The following TMEM9B variants were observed in gnomAD, a reference collection of about 807,000 sequenced individuals.
TMEM9B encodes TMEM9 domain family member B, also known as transmembrane protein 9B.
TMEM9B carries 8 observed loss-of-function variants against 23.5 expected under a neutral mutation model. The ratio of observed to expected loss-of-function variants is 0.34; its 90% CI spans 0.20 to 0.61. The LOEUF (loss-of-function observed/expected upper bound fraction) is 0.61. Among genes scored for constraint, TMEM9B ranks in the 20% least tolerant of loss-of-function variants. TMEM9B has a pLI of 0.78. For synonymous variants in TMEM9B, 106 were observed against 96.3 expected, an observed-to-expected ratio of 1.10 and a Z score of -0.59; for missense variants, 197 against 252.3, an observed-to-expected ratio of 0.78 and a Z score of 1.49.
intron 4 of TMEM9B, among the ~76,000 whole-genome samples, chr11:8,952,287 A>ATG (rs1853898330): frequency 9.1e-6 from 1 of 109,950 alleles, no homozygotes; most frequent in Admixed American, 9.2e-5. Flanking sequence ...CACGCTATAT[A>ATG]TATATATATA....
chr11:8,963,303 A>T (rs1854113655), intron 1 of TMEM9B, among the ~76,000 whole-genome samples: 1 of 152,232 alleles, frequency 6.6e-6, no homozygotes, highest in Admixed American at 6.5e-5. Flanking sequence ...CCACTCCTAC[A>T]TTTAAAGATA....
chr11:8,962,232 T>C (rs1237202618), intron 1 of TMEM9B, 49 bp from the exon 2 acceptor site: 2 of 1,266,026 alleles, frequency 1.6e-6, no homozygotes, highest in Non-Finnish European at 2.2e-6. Flanking sequence ...TTATCATCAA[T>C]ATTTTTAAAA....
intron 2 of TMEM9B, 32 bp from the exon 3 acceptor site, chr11:8,956,330 C>T (rs1210466540): frequency 1.9e-6 from 3 of 1,589,312 alleles, no homozygotes; most frequent in East Asian, 4.5e-5. Context: ...GCTGCTTAAG[C>T]CCAGCTAGCT....
intron 2 of TMEM9B, among the ~76,000 whole-genome samples, chr11:8,959,747 A>G (rs1854041497): frequency 6.6e-6 from 1 of 152,186 alleles, no homozygotes; most frequent in South Asian, 2.1e-4. Flanking sequence ...GGAACTAGGC[A>G]ACACCTCCCC....
intron 4 of TMEM9B, 136 bp from the exon 5 acceptor site, chr11:8,948,611 C>T: frequency 1.0e-6 from 1 of 954,688 alleles, no homozygotes; most frequent in Non-Finnish European, 1.5e-6. Flanking sequence ...TAGCTAAGCA[C>T]TCCTAAGCGC....
At chr11:8,959,609 T>C (rs1038779914) in intron 2 of TMEM9B, among the ~76,000 whole-genome samples, 1 of 152,200 alleles carries the variant, frequency 6.6e-6, no homozygotes, top group Non-Finnish European at 1.5e-5. Flanking sequence ...AGGATATATT[T>C]TAATAACAAA....
intron 2 of TMEM9B, among the ~76,000 whole-genome samples, chr11:8,961,239 A>T (rs2134876684): frequency 6.6e-6 from 1 of 152,324 alleles, no homozygotes; most frequent in Non-Finnish European, 1.5e-5. Flanking sequence ...CTGTTAACTG[A>T]ATGAATTTAA....
At position 8,960,684 on chromosome 11, in the gene TMEM9B, C is replaced by CT. The variant is rs529733160; in HGVS notation, c.197+1407dup. Among the ~76,000 whole-genome samples, 1,041 of 141,566 alleles carry CT rather than the reference C, an allele frequency of 7.4e-3. 8 individuals are homozygous for CT. The highest frequency in any genetic ancestry group is 0.018 in the African/African-American group (687 of 38,772). 92.9% of individuals were successfully genotyped at this position (141,566 alleles called of 152,430 possible). A position where few individuals can be genotyped will look rare whatever the true frequency, so the allele number is the denominator to read the frequency against. ...TAACATAAAGATTTATTTGAACATT[C>CT]TTTTTTTTTTTTTTTGAGCTAGGGT... is the stretch of plus-strand genomic sequence containing the variant. On this transcript the variant is annotated intron_variant, in intron 2 of 4. Transcript: ENST00000534025.
chr11:8,959,881 G>C (rs978865732), intron 2 of TMEM9B, among the ~76,000 whole-genome samples: 1 of 152,108 alleles, frequency 6.6e-6, no homozygotes, highest in African/African-American at 2.4e-5. Flanking sequence ...ATAAAAACTG[G>C]ACAAAATGAA....
Position 8,962,100 on chromosome 11 carries a change from C to G in TMEM9B, c.189G>C (p.Gln63His). Residue 63 changes from glutamine (Q) to histidine (H), a missense_variant, in exon 2 of 5, where the codon CAG becomes CAC. This residue lies in a region of TMEM9B where 141 missense variants were observed against 214.1 expected (regional missense o/e 0.66). Coordinates refer to ENST00000534025, the MANE Select transcript of TMEM9B (RefSeq NM_020644.3). ...SGHIYNKNIS[Q>H]KDCDCLHVVE... ...GTAATCCAGATACTTACCAATCTTT[C>G]TGAGATATGTTCTTATTATAAATAT... The G allele has an allele frequency of 6.3e-7, 1 of 1,582,636 alleles. No homozygotes were observed. Among genetic ancestry groups the G allele is most frequent in the South Asian group, 1.2e-5 (1 of 85,534 alleles).
chr11:8,964,370 G>GGCTCAA lies in TMEM9B; in HGVS notation c.-58_-57insTTGAGC. 1 of 1,421,678 alleles carries GGCTCAA rather than the reference G, an allele frequency of 7.0e-7. No homozygotes were observed. Among genetic ancestry groups the GGCTCAA allele is most frequent in the South Asian group, 1.3e-5 (1 of 76,650 alleles). The allele number at this position is 1,421,678 out of a possible 1,614,324, so 88.1% of individuals were successfully genotyped here. A position where few individuals can be genotyped will look rare whatever the true frequency, so the allele number is the denominator to read the frequency against. Reference sequence around the variant, plus strand: ...GCCCCCGCGACCGGCTCCCGGCTCGGGCTCAGGCTCAGGCTCAGGCTCAGG... The same window carrying GGCTCAA: ...GCCCCCGCGACCGGCTCCCGGCTCGGGCTCAAGCTCAGGCTCAGGCTCAGGCTCAGG... On this transcript the variant is annotated 5_prime_UTR_variant, in exon 1 of 5. Transcript: ENST00000534025.
In TMEM9B at chr11:8,948,060, A is replaced by G. The variant is rs1853803827; in HGVS notation, c.*260T>C. On this transcript the variant is annotated 3_prime_UTR_variant, in exon 5 of 5. Transcript: ENST00000534025. Reference sequence around the variant, plus strand: ...GGTAAAGGACTTCAAGATAATTTACAGGCAGATTTATTTTTATTAGTAAAA... The same window carrying G: ...GGTAAAGGACTTCAAGATAATTTACGGGCAGATTTATTTTTATTAGTAAAA... 3.2e-6 allele frequency: 1 copy of G among 313,504 alleles called. No homozygotes were observed. Among genetic ancestry groups the G allele is most frequent in the Non-Finnish European group, 5.9e-6 (1 of 169,974 alleles). The allele number at this position is 313,504 out of a possible 1,614,324, so 19.4% of individuals were successfully genotyped here. A position where few individuals can be genotyped will look rare whatever the true frequency, so the allele number is the denominator to read the frequency against.
chr11:8,964,384 C>A lies in TMEM9B; in HGVS notation c.-71G>T. 6.6e-7 allele frequency: 1 copy of A among 1,519,098 alleles called. No homozygotes were observed. 94.1% of individuals were successfully genotyped at this position (1,519,098 alleles called of 1,614,324 possible). A position where few individuals can be genotyped will look rare whatever the true frequency, so the allele number is the denominator to read the frequency against. ...CTCCCGGCTCGGGCTCAGGCTCAGG[C>A]TCAGGCTCAGGCACAGGCTTGGGAC... On this transcript the variant is annotated 5_prime_UTR_variant, in exon 1 of 5. Transcript: ENST00000534025.
In TMEM9B at chr11:8,954,059, A is replaced by T. The variant is rs145695987; in HGVS notation, c.307-722T>A. On this transcript the variant is annotated intron_variant, in intron 3 of 4. Coordinates refer to ENST00000534025, the MANE Select transcript of TMEM9B (RefSeq NM_020644.3). The stretch of plus-strand genomic sequence containing the variant: ...ATGCATATTCATATAGTGAAATACT[A>T]TTCAGCAATAAAAAGAAACGAAGTA... Among the ~76,000 whole-genome samples, 462 of 152,356 alleles carry T rather than the reference A, an allele frequency of 3.0e-3. 2 individuals are homozygous for T. Among genetic ancestry groups the T allele is most frequent in the African/African-American group, 0.011 (438 of 41,586 alleles).
chr11:8,954,001 C>G (rs1281812156), intron 3 of TMEM9B, among the ~76,000 whole-genome samples: 1 of 152,092 alleles, frequency 6.6e-6, no homozygotes, highest in Non-Finnish European at 1.5e-5. Flanking sequence ...TAGTAAAAAC[C>G]CAGACATAAT....
At chr11:8,952,152 T>C (rs1853888847) in intron 4 of TMEM9B, among the ~76,000 whole-genome samples, 1 of 151,926 alleles carries the variant, frequency 6.6e-6, no homozygotes, top group Non-Finnish European at 1.5e-5. Context: ...GAAAAACAGA[T>C]TTGTGGACTA....
chr11:8,953,022 G>A, intron 4 of TMEM9B, 181 bp downstream of exon 4: 1 of 706,786 alleles, frequency 1.4e-6, no homozygotes, highest in South Asian at 1.7e-5. Context: ...CACATTTATG[G>A]CTTCATCAAG....
In TMEM9B at chr11:8,964,270, A is replaced by G. The variant is rs1343614365; in HGVS notation, c.44T>C (p.Leu15Pro). ...GGAAAGCGCCAGGCACGACAGGCTG[A>G]GCAAGGAGCCAAGCCGAAGAAGGCC... The part of the protein sequence containing the change: ...WGGLLRLGSL[L>P]SLSCLALSVL... The change falls in exon 1 of 5, where the codon CTC (leucine) becomes CCC (proline). Residue 15 changes from leucine (L) to proline (P), a missense_variant. Leu to Pro is a moderately conservative substitution (Grantham distance 98, BLOSUM62 -3). Coordinates refer to ENST00000534025, the MANE Select transcript of TMEM9B (RefSeq NM_020644.3). 6.3e-7 allele frequency: 1 copy of G among 1,596,362 alleles called. No homozygotes were observed.
At position 8,948,110 on chromosome 11, in the gene TMEM9B, G is replaced by T; in HGVS notation, c.*210C>A. 2.1e-6 allele frequency: 1 copy of T among 481,604 alleles called. No individual in the cohort carries two copies. The highest frequency in any genetic ancestry group is 3.6e-6 in the Non-Finnish European group (1 of 278,350). The allele number at this position is 481,604 out of a possible 1,614,324, so 29.8% of individuals were successfully genotyped here. On this transcript the variant is annotated 3_prime_UTR_variant, in exon 5 of 5. Coordinates refer to ENST00000534025, the MANE Select transcript of TMEM9B (RefSeq NM_020644.3). Reference sequence around the variant, plus strand: ...AGTCACAAATAGGAAAAGACTTATTGGCTGACTTTGAGCTGTGTGCTTTTA... The same window carrying T: ...AGTCACAAATAGGAAAAGACTTATTTGCTGACTTTGAGCTGTGTGCTTTTA...
Sources: allele counts gnomAD v4.1 joint callset (sites outside exome capture counted in the v4.1 genomes callset), GRCh38; gene constraint gnomAD v4.1.1; regional missense constraint gnomAD v4.1.1; transcripts MANE v1.5; gene names NCBI Gene and HGNC (gene_info 2026-07-23, HGNC 2026-07-21).